The following FRMD3 variants were observed in gnomAD, a reference collection of about 807,000 sequenced individuals.
The protein encoded by FRMD3 is FERM domain-containing protein 3.
Under a neutral mutation model 70.2 loss-of-function variants are expected in FRMD3, and 33 were observed. The ratio of observed to expected loss-of-function variants is 0.47; its 90% confidence interval spans 0.36 to 0.63. FRMD3 has a LOEUF of 0.63. Among genes scored for constraint, FRMD3 ranks in the 20% least tolerant of loss-of-function variants. The probability of loss-of-function intolerance (pLI) is 0.00; values close to 1 mark genes in which losing one functional copy is unlikely to be tolerated. For missense variants in FRMD3, 632 were observed against 711.4 expected (o/e 0.89, Z 1.27); for synonymous variants, 279 against 255.9 (o/e 1.09, Z -0.86).
chr9:83,405,337 G>A (rs1826069145), intron 1 of FRMD3, among the ~76,000 whole-genome samples: 1 of 152,132 alleles, frequency 6.6e-6, no homozygotes, highest in Non-Finnish European at 1.5e-5. Flanking sequence ...CATGTTAGCA[G>A]AGCGCCACCC....
In FRMD3 at chr9:83,407,837, G is replaced by GTCTCTCTCCCTCTCTCTCTCTCTCTCTC. The variant is rs1826150859; in HGVS notation, c.148-18130_148-18129insGAGAGAGAGAGAGAGAGAGGGAGAGAGA. On this transcript the variant is annotated intron_variant, in intron 1 of 13. Coordinates refer to ENST00000304195, the MANE Select transcript of FRMD3 (RefSeq NM_174938.6). ...GCCAGCAGAGGAGGGGGGTTGTTGAGTCTCTCTCTCTCTCTCTCTCTCTCT... is the reference window on the plus strand; with the variant it reads ...GCCAGCAGAGGAGGGGGGTTGTTGAGTCTCTCTCCCTCTCTCTCTCTCTCTCTCTCTCTCTCTCTCTCTCTCTCTCTCT... Among the ~76,000 whole-genome samples the GTCTCTCTCCCTCTCTCTCTCTCTCTCTC allele has an allele frequency of 1.9e-5, 2 of 103,600 alleles. 1 individual carries two copies. The highest frequency in any genetic ancestry group is 7.7e-5 in the African/African-American group (2 of 25,936). The allele number at this position is 103,600 out of a possible 152,430, so 68.0% of individuals were successfully genotyped here. A position where few individuals can be genotyped will look rare whatever the true frequency, so the allele number is the denominator to read the frequency against.
intron 3 of FRMD3, among the ~76,000 whole-genome samples, chr9:83,356,613 T>C (rs1465873711): frequency 2.0e-5 from 3 of 151,550 alleles, no homozygotes; most frequent in African/African-American, 7.3e-5. Flanking sequence ...AACGTTTTCC[T>C]CCAGTCATCA....
At chr9:83,510,105 T>G (rs977997306) in intron 1 of FRMD3, among the ~76,000 whole-genome samples, 3 of 152,158 alleles carry the variant, frequency 2.0e-5, no homozygotes, top group Non-Finnish European at 4.4e-5. Flanking sequence ...TGGGTCACAG[T>G]GTCCCCCAGC....
chr9:83,539,011 C>G (rs757722334), upstream of FRMD3, among the ~76,000 whole-genome samples: 3 of 152,184 alleles, frequency 2.0e-5, no homozygotes, highest in Non-Finnish European at 4.4e-5. Flanking sequence ...AGGACTCAGT[C>G]TCTTTCTCCA....
Position 83,453,245 on chromosome 9 carries a change from A to G in FRMD3, c.148-63537T>C, listed in dbSNP as rs1445401154. On this transcript the variant is annotated intron_variant, in intron 1 of 13. Transcript: ENST00000304195. ...GGCTGAAACACTCATTCAAAAAACT[A>G]ACTTCACACAGTGCAAGATATACAT... Among the ~76,000 whole-genome samples, 16 of 152,340 alleles carry G rather than the reference A, an allele frequency of 1.1e-4. No homozygotes were observed. The East Asian group carries it at 2.9e-3, about 28-fold the overall frequency.
chr9:83,287,970 C>CA (rs1834283203), intron 13 of FRMD3, among the ~76,000 whole-genome samples: 2 of 152,148 alleles, frequency 1.3e-5, no homozygotes, highest in Admixed American at 6.5e-5. Context: ...ACAGGGTGTA[C>CA]AACTTGTATT....
rs1835369848 is a variant in FRMD3 at position 83,311,885 on chromosome 9, A to G, written c.773+2T>C. 6.3e-7 allele frequency: 1 copy of G among 1,592,604 alleles called. No individual in the cohort carries two copies. The highest frequency in any genetic ancestry group is 8.6e-7 in the Non-Finnish European group (1 of 1,163,262). On this transcript the variant is annotated splice_donor_variant, in intron 8 of 13. Transcript: ENST00000304195. LOFTEE classifies it high-confidence loss of function. Reference sequence around the variant, plus strand: ...AAGCCAGTTTTCCAAAGAGGCACTTACCATTTTATCAAATGGATTCTCTTA... The same window carrying G: ...AAGCCAGTTTTCCAAAGAGGCACTTGCCATTTTATCAAATGGATTCTCTTA...
At chr9:83,552,279 G>GA in the FRMD3 span, among the ~76,000 whole-genome samples, 4 of 152,012 alleles carry the variant, frequency 2.6e-5, no homozygotes, top group African/African-American at 9.7e-5. Context: ...TAATTGTATG[G>GA]TTTTGAGAAA....
At chr9:83,506,118 C>T (rs1460068718) in intron 1 of FRMD3, among the ~76,000 whole-genome samples, 1 of 152,176 alleles carries the variant, frequency 6.6e-6, no homozygotes, top group East Asian at 1.9e-4. Context: ...GTCGGTTGTT[C>T]TCACACATTT....
chr9:83,375,258 G>C (rs1156655090), intron 2 of FRMD3, among the ~76,000 whole-genome samples: 1 of 152,202 alleles, frequency 6.6e-6, no homozygotes, highest in African/African-American at 2.4e-5. Context: ...ATGCCTGAAA[G>C]GTATTTGCCA....
At chr9:83,392,337 AT>A (rs1406409769) in intron 1 of FRMD3, among the ~76,000 whole-genome samples, 2 of 152,126 alleles carry the variant, frequency 1.3e-5, no homozygotes, top group Non-Finnish European at 2.9e-5. Context: ...TCTGTAAGCC[AT>A]TTAAGTTCCC....
At chr9:83,271,982 G>A (rs11788630) in intron 13 of FRMD3, among the ~76,000 whole-genome samples, 8,244 of 152,158 alleles carry the variant, frequency 0.054, 263 homozygotes, top group African/African-American at 0.079. Context: ...CAAAGCAGTC[G>A]GTTAACTTAG....
At chr9:83,497,062 C>T (rs1319487869) in intron 1 of FRMD3, among the ~76,000 whole-genome samples, 1 of 152,044 alleles carries the variant, frequency 6.6e-6, no homozygotes, top group Non-Finnish European at 1.5e-5. Context: ...TGCAGTGAAC[C>T]AAGATTGTAC....
chr9:83,507,673 C>CAA (rs1397459904), intron 1 of FRMD3, among the ~76,000 whole-genome samples: 2 of 54,764 alleles, frequency 3.7e-5, no homozygotes, highest in Non-Finnish European at 7.8e-5. Context: ...CCGTCTCAAA[C>CAA]AAAAAAAAAT....
At chr9:83,546,613 A>C in the FRMD3 span, among the ~76,000 whole-genome samples, 23 of 152,210 alleles carry the variant, frequency 1.5e-4, no homozygotes, top group Non-Finnish European at 2.6e-4. Context: ...ACTACAAAGC[A>C]ACTAGGTAAC....
At chr9:83,354,646 C>T (rs764877359) in intron 3 of FRMD3, among the ~76,000 whole-genome samples, 3 of 152,148 alleles carry the variant, frequency 2.0e-5, no homozygotes, top group Non-Finnish European at 2.9e-5. Flanking sequence ...AACCCTGAAT[C>T]TAAAATAAAA....
At chr9:83,320,755 T>C (rs969532478) in intron 6 of FRMD3, among the ~76,000 whole-genome samples, 1 of 152,136 alleles carries the variant, frequency 6.6e-6, no homozygotes, top group Non-Finnish European at 1.5e-5. Flanking sequence ...TGGTATTAGT[T>C]CTTCTTTGCA....
intron 13 of FRMD3, among the ~76,000 whole-genome samples, chr9:83,286,969 C>A (rs1032698954): frequency 2.0e-5 from 3 of 152,194 alleles, no homozygotes; most frequent in Non-Finnish European, 4.4e-5. Context: ...GTGTTTTCAA[C>A]TCAATGTCTC....
intron 13 of FRMD3, among the ~76,000 whole-genome samples, chr9:83,268,022 G>A (rs1176146021): frequency 6.6e-6 from 1 of 152,180 alleles, no homozygotes; most frequent in Non-Finnish European, 1.5e-5. Flanking sequence ...CAATCACGAA[G>A]TTAGTAAGTG....
Sources: gnomAD v4.1 joint callset for allele counts (sites outside exome capture counted in the v4.1 genomes callset) on GRCh38, gnomAD v4.1.1 for gene constraint, MANE v1.5 for transcripts, NCBI Gene and HGNC (gene_info 2026-07-23, HGNC 2026-07-21) for gene names.